The following DCLK2 variants were observed in gnomAD, a reference collection of about 807,000 sequenced individuals.
DCLK2 encodes the protein serine/threonine-protein kinase DCLK2.
DCLK2 carries 31 observed loss-of-function variants against 78.4 expected under a neutral mutation model. That is an observed-to-expected ratio of 0.40 (90% CI 0.30 to 0.53). DCLK2 has a LOEUF of 0.53. DCLK2 is among the 20% of genes least tolerant of loss of function. The probability of loss-of-function intolerance (pLI) is 0.61; values close to 1 mark genes in which losing one functional copy is unlikely to be tolerated. For missense variants in DCLK2, 872 were observed against 973.7 expected (o/e 0.90, Z 1.39); for synonymous variants, 407 against 374.9 (o/e 1.09, Z -0.99).
chr4:150,103,008 G>A (rs146321827), intron 2 of DCLK2, among the ~76,000 whole-genome samples, 196 bp downstream of exon 2: 3 of 151,986 alleles, frequency 2.0e-5, no homozygotes, highest in East Asian at 1.9e-4. Context: ...AAATGTAAGC[G>A]ACTTAAGTAC....
chr4:150,218,602 G>C (rs975386009), intron 5 of DCLK2, among the ~76,000 whole-genome samples: 1 of 152,206 alleles, frequency 6.6e-6, no homozygotes, highest in African/African-American at 2.4e-5. Flanking sequence ...TAGGACCTCA[G>C]CTGTGAGTGT....
intron 2 of DCLK2, among the ~76,000 whole-genome samples, chr4:150,134,131 A>G (rs1580566822): frequency 8.5e-6 from 1 of 117,270 alleles, no homozygotes. Context: ...CCCAGGCTGG[A>G]GTGCAATGGC....
intron 1 of DCLK2, among the ~76,000 whole-genome samples, chr4:150,098,606 T>C (rs996313057): frequency 6.6e-6 from 1 of 152,192 alleles, no homozygotes; most frequent in African/African-American, 2.4e-5. Context: ...GAGATTTTAG[T>C]GCACCTGTCA....
At chr4:150,125,408 T>C (rs1208987710) in intron 2 of DCLK2, among the ~76,000 whole-genome samples, 3 of 152,202 alleles carry the variant, frequency 2.0e-5, no homozygotes, top group East Asian at 1.9e-4. Flanking sequence ...CCAGAACTTT[T>C]ATTGTATTCA....
rs1730953052 is a variant in DCLK2, at chr4:150,102,466, T to G, written c.422-12T>G. 2 of 1,604,472 alleles carry G rather than the reference T, an allele frequency of 1.2e-6. No individual in the cohort carries two copies. Among genetic ancestry groups the G allele is most frequent in the African/African-American group, 1.3e-5 (1 of 74,388 alleles). On this transcript the variant is annotated splice_polypyrimidine_tract_variant and intron_variant, in intron 1 of 15. Transcript: ENST00000296550. ...GATAATCATGCTAATAAAATCAAATTTTGCTTTTTAGGTGAGAGTTACGTG... is the reference window on the plus strand; with the variant it reads ...GATAATCATGCTAATAAAATCAAATGTTGCTTTTTAGGTGAGAGTTACGTG...
At chr4:150,168,263 A>AG (rs886548319) in intron 2 of DCLK2, among the ~76,000 whole-genome samples, 2 of 151,860 alleles carry the variant, frequency 1.3e-5, no homozygotes, top group African/African-American at 4.8e-5. Flanking sequence ...GAGTGGCGTA[A>AG]GTAAACCCGG....
chr4:150,085,906 G>T (rs1729604208), intron 1 of DCLK2, among the ~76,000 whole-genome samples: 1 of 152,206 alleles, frequency 6.6e-6, no homozygotes, highest in Non-Finnish European at 1.5e-5. Flanking sequence ...CGCCTCTAAA[G>T]TTCAGTGATC....
At chr4:150,214,686 G>T (rs917689997) in intron 5 of DCLK2, among the ~76,000 whole-genome samples, 2 of 152,058 alleles carry the variant, frequency 1.3e-5, no homozygotes, top group African/African-American at 2.4e-5. Flanking sequence ...GACCTGCCGG[G>T]CACGATGGCT....
intron 1 of DCLK2, among the ~76,000 whole-genome samples, chr4:150,098,217 A>C (rs919968103): frequency 1.3e-5 from 2 of 152,114 alleles, no homozygotes; most frequent in African/African-American, 2.4e-5. Flanking sequence ...TGAGGAAAAA[A>C]CTACGGTGGT....
At chr4:150,157,687 A>C (rs1735409111) in intron 2 of DCLK2, among the ~76,000 whole-genome samples, 1 of 152,028 alleles carries the variant, frequency 6.6e-6, no homozygotes, top group East Asian at 1.9e-4. Context: ...AAATTTTTGA[A>C]CTTTTATTAG....
intron 12 of DCLK2, among the ~76,000 whole-genome samples, chr4:150,244,713 A>G (rs1259716782): frequency 6.6e-6 from 1 of 152,252 alleles, no homozygotes; most frequent in Non-Finnish European, 1.5e-5. Flanking sequence ...ACTGCTAAGA[A>G]AGATAAATTA....
At chr4:150,126,184 C>T (rs1356737136) in intron 2 of DCLK2, among the ~76,000 whole-genome samples, 2 of 144,446 alleles carry the variant, frequency 1.4e-5, no homozygotes, top group East Asian at 2.0e-4. Flanking sequence ...TTGTGAGCAG[C>T]GGGCTAAGAT....
chr4:150,226,596 G>A (rs1255304358), intron 8 of DCLK2, among the ~76,000 whole-genome samples: 1 of 151,770 alleles, frequency 6.6e-6, no homozygotes, highest in East Asian at 1.9e-4. Flanking sequence ...TGTTTCCATG[G>A]TTGGAAAAAA....
chr4:150,256,343 C>T lies in DCLK2; in HGVS notation c.*96C>T. ...TCCCTGCTGCAGGCCTCCCTCTCTT[C>T]ACCGCCTGCGCCTGAGTTCGCGGGT... On this transcript the variant is annotated 3_prime_UTR_variant, in exon 16 of 16. Transcript: ENST00000296550. 7.0e-7 allele frequency: 1 copy of T among 1,423,852 alleles called. No homozygotes were observed. The highest frequency in any genetic ancestry group is 9.2e-7 in the Non-Finnish European group (1 of 1,088,846). The allele number at this position is 1,423,852 out of a possible 1,614,324, so 88.2% of individuals were successfully genotyped here. A position where few individuals can be genotyped will look rare whatever the true frequency, so the allele number is the denominator to read the frequency against.
At chr4:150,087,248 C>T (rs1322812332) in intron 1 of DCLK2, among the ~76,000 whole-genome samples, 1 of 152,198 alleles carries the variant, frequency 6.6e-6, no homozygotes. Context: ...ATAACATTTA[C>T]TGACATTTCA....
At chr4:150,127,821 T>C (rs538648432) in intron 2 of DCLK2, among the ~76,000 whole-genome samples, 2 of 152,256 alleles carry the variant, frequency 1.3e-5, no homozygotes, top group Admixed American at 6.5e-5. Context: ...TCTGGTGGAG[T>C]TGGTTGGTTA....
intron 2 of DCLK2, among the ~76,000 whole-genome samples, chr4:150,189,228 C>T (rs1389326767): frequency 1.2e-5 from 1 of 86,050 alleles, no homozygotes; most frequent in Non-Finnish European, 2.7e-5. Context: ...GCAGTAGATA[C>T]ATTTTTATTT....
chr4:150,190,263 A>G (rs746907108), intron 2 of DCLK2, among the ~76,000 whole-genome samples: 1,261 of 114,288 alleles, frequency 0.011, 27 homozygotes, highest in African/African-American at 0.032. Flanking sequence ...AGATAGATAG[A>G]TAGATAGATA....
intron 15 of DCLK2, chr4:150,254,310 G>C (rs1560919865): frequency 5.0e-6 from 2 of 398,336 alleles, no homozygotes; most frequent in Non-Finnish European, 4.4e-6. Flanking sequence ...CTTAATTTAA[G>C]ATAGACAAAA....
Sources: allele counts gnomAD v4.1 joint callset (sites outside exome capture counted in the v4.1 genomes callset), GRCh38; gene constraint gnomAD v4.1.1; transcripts MANE v1.5; gene names NCBI Gene and HGNC (gene_info 2026-07-23, HGNC 2026-07-21).